Variants in OBSL1 observed in about 807,000 individuals in gnomAD.
The protein encoded by OBSL1 is obscurin-like protein 1.
A neutral mutation model predicts 172.0 loss-of-function variants in OBSL1; 160 were observed. The observed-to-expected ratio is 0.93, with a 90% CI of 0.82 to 1.06. OBSL1 has a LOEUF of 1.06. Among genes scored for constraint, OBSL1 ranks in the 50% least tolerant of loss-of-function variants. OBSL1 has a pLI of 0.00. For missense variants in OBSL1, 2,681 were observed against 2,715.4 expected, an observed-to-expected ratio of 0.99 and a Z score of 0.28; for synonymous variants, 1,200 against 1,196.3, an observed-to-expected ratio of 1.00 and a Z score of -0.06.
chr2:219,549,482 A>C, downstream of OBSL1: 1 of 1,307,880 alleles, frequency 7.6e-7, no homozygotes, highest in South Asian at 1.5e-5. Flanking sequence ...CTGTTTGTCC[A>C]TGCATCGGAG....
In OBSL1 at chr2:219,571,322, G is replaced by A; in HGVS notation, c.-90C>T. 2.3e-6 allele frequency: 2 copies of A among 864,512 alleles called. No homozygotes were observed. Among genetic ancestry groups the A allele is most frequent in the South Asian group, 5.1e-5 (1 of 19,762 alleles). 53.6% of individuals were successfully genotyped at this position (864,512 alleles called of 1,614,324 possible). On this transcript the variant is annotated 5_prime_UTR_variant, in exon 1 of 21. Transcript: ENST00000404537. The stretch of plus-strand genomic sequence containing the variant: ...CGAGGCCCGGGGCGGCGGGGTCGGG[G>A]CGCGGCTGGGGACTGGGCGCGGGGA...
Position 219,552,556 on chromosome 2 carries a change from C to T in OBSL1, c.5288G>A (p.Arg1763His), listed in dbSNP as rs759264064. 2 of 1,596,130 alleles carry T rather than the reference C, an allele frequency of 1.3e-6. No homozygotes were observed. Among genetic ancestry groups the T allele is most frequent in the Non-Finnish European group, 8.5e-7 (1 of 1,177,556 alleles). The change falls in exon 18 of 21, where the codon CGC becomes CAC. Residue 1763 changes from arginine (R) to histidine (H), a missense_variant. Transcript: ENST00000404537. ...CAGACCTTCCTGTCGGATGCGGACGCGGGCTCCGGGTCTCAGCGGGCGGCC... is the reference window on the plus strand; with the variant it reads ...CAGACCTTCCTGTCGGATGCGGACGTGGGCTCCGGGTCTCAGCGGGCGGCC... ...LGGRPLRPGA[R>H]VRIRQEGKKH...
intron 19 of OBSL1, 62 bp from the exon 20 acceptor site, chr2:219,551,860 T>A: frequency 9.4e-7 from 1 of 1,066,866 alleles, no homozygotes; most frequent in East Asian, 2.4e-5. Context: ...GGAGGAGAGA[T>A]GCATCTTCCC....
At position 219,571,401 on chromosome 2, in the gene OBSL1, C is replaced by T. The variant is rs942953849; in HGVS notation, c.-169G>A. 1.1e-5 allele frequency: 4 copies of T among 369,418 alleles called. No homozygotes were observed. Among genetic ancestry groups the T allele is most frequent in the Middle Eastern group, 7.5e-4 (1 of 1,338 alleles). The allele number at this position is 369,418 out of a possible 1,614,324, so 22.9% of individuals were successfully genotyped here. On this transcript the variant is annotated 5_prime_UTR_variant, in exon 1 of 21. Coordinates refer to ENST00000404537, the MANE Select transcript of OBSL1 (RefSeq NM_015311.3). The stretch of plus-strand genomic sequence containing the variant: ...CCCGGCTCGCCTCCTTACCCTCGGC[C>T]CCGAGCTGCAGCTCTGCGGCGGCGG...
At chr2:219,551,200 T>TGGTGAAG (rs1695587983) in intron 20 of OBSL1, 8 of 1,382,288 alleles carry the variant, frequency 5.8e-6, no homozygotes, top group Non-Finnish European at 6.6e-6. Flanking sequence ...AAGGCAGTGT[T>TGGTGAAG]GGTGAAGTGG....
In OBSL1 at chr2:219,552,636, A is replaced by G. The variant is rs1333879187; in HGVS notation, c.5208T>C (p.Ala1736=). 6.4e-7 allele frequency: 1 copy of G among 1,557,690 alleles called. No homozygotes were observed. Among genetic ancestry groups the G allele is most frequent in the Non-Finnish European group, 8.6e-7 (1 of 1,156,820 alleles). ...RSVSAREGDG[A]TFECTVSEVE... is the part of the protein sequence containing the mutation. ...CCTCCGACACGGTGCACTCGAACGT[A>G]GCGCCGTCGCCTTCGCGGGCGCTCA... Residue 1736 remains alanine (A), a synonymous_variant, in exon 18 of 21, where the codon GCT becomes GCC. Transcript: ENST00000404537.
Position 219,570,767 on chromosome 2 carries a change from CG to C in OBSL1, c.465del (p.Glu156SerfsTer102), listed in dbSNP as rs1229579407. On this transcript the variant is annotated frameshift_variant, in exon 1 of 21. Transcript: ENST00000404537. LOFTEE classifies it high-confidence loss of function. ...VVLTCRAGGL[P>X]EPTLYWEKDG... ...TCCTTCTCCCAGTACAGTGTGGGCT[CG>C]GGGAGGCCCCCCGCCCGGCACGTCA... is the stretch of plus-strand genomic sequence containing the variant. The C allele has an allele frequency of 6.7e-7, 1 of 1,490,128 alleles. No homozygotes were observed. The highest frequency in any genetic ancestry group is 8.9e-7 in the Non-Finnish European group (1 of 1,126,852). The allele number at this position is 1,490,128 out of a possible 1,614,324, so 92.3% of individuals were successfully genotyped here.
rs747339260 is a variant in OBSL1, at chr2:219,567,778, C to T, written c.1474G>A (p.Ala492Thr). The part of the protein sequence containing the change: ...LVLPGVTRED[A>T]GEVTFSLGNS... ...CCCAGGCTAAAGGTGACCTCGCCAG[C>T]ATCCTCTCGGGTGACCCCTGGAAGG... The change falls in exon 3 of 21, where the codon GCT becomes ACT. Residue 492 changes from alanine to threonine, a missense_variant. Coordinates refer to ENST00000404537, the MANE Select transcript of OBSL1 (RefSeq NM_015311.3). 22 of 1,613,826 alleles carry T rather than the reference C, an allele frequency of 1.4e-5. No homozygotes were observed. Among genetic ancestry groups the T allele is most frequent in the Non-Finnish European group, 1.9e-5 (22 of 1,179,868 alleles).
rs771774642 is a variant in OBSL1, at chr2:219,562,494, C to G, written c.2861G>C (p.Arg954Pro). ...GAGCTGGACAGCGGGCAGCACCAGGCGGCGGACAGTGTCTTCCTTCTGCAG... is the reference window on the plus strand; with the variant it reads ...GAGCTGGACAGCGGGCAGCACCAGGGGGCGGACAGTGTCTTCCTTCTGCAG... Reference protein sequence around the residue: ...LLLQKEDTVRRLVLPAVQLED... With the variant: ...LLLQKEDTVRPLVLPAVQLED... Residue 954 changes from arginine (R) to proline (P), a missense_variant, in exon 8 of 21, where the codon CGC becomes CCC. Coordinates refer to ENST00000404537, the MANE Select transcript of OBSL1 (RefSeq NM_015311.3). The G allele has an allele frequency of 1.9e-6, 3 of 1,614,030 alleles. No individual in the cohort carries two copies. Among genetic ancestry groups the G allele is most frequent in the Non-Finnish European group, 2.5e-6 (3 of 1,179,886 alleles).
Position 219,563,592 on chromosome 2 carries a change from CAT to C in OBSL1, c.2441_2442del (p.His814ArgfsTer16), listed in dbSNP as rs1267079237. On this transcript the variant is annotated frameshift_variant, in exon 7 of 21. Coordinates refer to ENST00000404537, the MANE Select transcript of OBSL1 (RefSeq NM_015311.3). LOFTEE classifies it high-confidence loss of function. The part of the protein sequence containing the change: ...PPVHIVDPRE[H>X]VFVHAITSEC... ...TCGGAAGTTATGGCATGCACGAACA[CAT>C]GTTCTCGGGGGTCCACGATGTGCAC... 3.7e-6 allele frequency: 6 copies of C among 1,613,652 alleles called. No individual in the cohort carries two copies. The highest frequency in any genetic ancestry group is 2.7e-5 in the African/African-American group (2 of 74,880).
rs374821282 is a variant in OBSL1 at position 219,556,639 on chromosome 2, G to A, written c.4151C>T (p.Ser1384Phe). The A allele has an allele frequency of 6.2e-7, 1 of 1,613,814 alleles. No individual in the cohort carries two copies. The highest frequency in any genetic ancestry group is 8.5e-7 in the Non-Finnish European group (1 of 1,179,844). ...CCAGGTGACATCGGCATCTGGTGGG[G>A]AGACTTCACACCGGAACGTGGCATC... The part of the protein sequence containing the change: ...GDDATFRCEV[S>F]PPDADVTWLR... The change falls in exon 13 of 21, where the codon TCC (serine) becomes TTC (phenylalanine). Residue 1384 changes from serine to phenylalanine, a missense_variant. Around this residue, in one of 5 missense-constraint regions of OBSL1, gnomAD observed 1,765 missense variants for 1,748.3 expected, o/e 1.01. Coordinates refer to ENST00000404537, the MANE Select transcript of OBSL1 (RefSeq NM_015311.3).
rs755539040 is a variant in OBSL1 at position 219,568,068 on chromosome 2, G to A, written c.1269C>T (p.Asn423=). The A allele has an allele frequency of 7.5e-5, 120 of 1,609,584 alleles. 2 individuals carry two copies. The highest frequency in any genetic ancestry group is 2.2e-4 in the South Asian group (20 of 91,044). ...EMRGRVRTVA[N]VTVKGPILKR... ...GGGCCAGCTGACCTTTGACTGTGAC[G>A]TTGGCCACGGTGCGCACCCGGCCCC... Residue 423 remains asparagine, a synonymous_variant, in exon 2 of 21, where the codon AAC becomes AAT. Coordinates refer to ENST00000404537, the MANE Select transcript of OBSL1 (RefSeq NM_015311.3). This position sits in a 1 kb window ranked among gnomAD's most constrained non-coding sequence, Gnocchi z 4.1.
At position 219,554,756 on chromosome 2, in the gene OBSL1, G is replaced by A. The variant is rs901434350; in HGVS notation, c.4610-16C>T. ...AGCTGCCTCGCTGGCCGGGGGAGAT[G>A]GAGAGAGGGAGGATGAGGCCTCCAG... On this transcript the variant is annotated splice_polypyrimidine_tract_variant and intron_variant, in intron 14 of 20. Transcript: ENST00000404537. The A allele has an allele frequency of 6.5e-7, 1 of 1,528,204 alleles. No homozygotes were observed. The highest frequency in any genetic ancestry group is 8.8e-7 in the Non-Finnish European group (1 of 1,132,910). 94.7% of individuals were successfully genotyped at this position (1,528,204 alleles called of 1,614,324 possible). A position where few individuals can be genotyped will look rare whatever the true frequency, so the allele number is the denominator to read the frequency against.
chr2:219,559,936 T>C (rs1220695560), intron 8 of OBSL1, among the ~76,000 whole-genome samples: 1 of 152,174 alleles, frequency 6.6e-6, no homozygotes, highest in African/African-American at 2.4e-5. Flanking sequence ...AGCATAGAAA[T>C]AGCTTCAGAG....
In OBSL1 at chr2:219,552,625, C is replaced by A; in HGVS notation, c.5219G>T (p.Cys1740Phe). 6.4e-7 allele frequency: 1 copy of A among 1,568,090 alleles called. No homozygotes were observed. The highest frequency in any genetic ancestry group is 8.6e-7 in the Non-Finnish European group (1 of 1,162,858). The part of the protein sequence containing the change: ...AREGDGATFE[C>F]TVSEVETTGR... Reference sequence around the variant, plus strand: ...CGTGGTCTCGACCTCCGACACGGTGCACTCGAACGTAGCGCCGTCGCCTTC... The same window carrying A: ...CGTGGTCTCGACCTCCGACACGGTGAACTCGAACGTAGCGCCGTCGCCTTC... Residue 1740 changes from cysteine to phenylalanine, a missense_variant, in exon 18 of 21, where the codon TGC becomes TTC. Transcript: ENST00000404537.
chr2:219,568,333 A>AGG lies in OBSL1; in HGVS notation c.1013-11_1013-10dup. ...GAACCGGAGGCGGGGCTCTGTGGAG[A>AGG]GGGGAGAGAGAGACAAGAGAGGGCT... is the stretch of plus-strand genomic sequence containing the variant. On this transcript the variant is annotated splice_polypyrimidine_tract_variant and intron_variant, in intron 1 of 20. Transcript: ENST00000404537. This position sits in a 1 kb window ranked among gnomAD's most constrained non-coding sequence, Gnocchi z 4.1. The AGG allele has an allele frequency of 1.9e-6, 3 of 1,593,870 alleles. No individual in the cohort carries two copies. The highest frequency in any genetic ancestry group is 1.7e-5 in the Admixed American group (1 of 57,366).
At position 219,570,340 on chromosome 2, in the gene OBSL1, C is replaced by T. The variant is rs1199317072; in HGVS notation, c.893G>A (p.Arg298His). ...PDRRRLMYRDRDGGFVLKVLY... is the reference protein window; with the variant it reads ...PDRRRLMYRDHDGGFVLKVLY... ...CACCTTGAGCACGAAGCCGCCGTCG[C>T]GGTCGCGGTACATGAGGCGGCGGCG... Residue 298 changes from arginine to histidine, a missense_variant, in exon 1 of 21, where the codon CGC becomes CAC. By Grantham distance (29) the Arg-to-His change is conservative. Transcript: ENST00000404537. The T allele has an allele frequency of 1.2e-5, 19 of 1,612,244 alleles. No individual in the cohort carries two copies. In the East Asian group the frequency reaches 4.0e-4, roughly 34 times the overall value.
chr2:219,551,649 C>T lies in OBSL1; in HGVS notation c.5563G>A (p.Glu1855Lys). Residue 1855 changes from glutamate to lysine, a missense_variant, in exon 20 of 21, where the codon GAG (glutamate) becomes AAG (lysine). Physicochemically the swap from Glu to Lys is moderately conservative, Grantham distance 56 (BLOSUM62 1). Coordinates refer to ENST00000404537, the MANE Select transcript of OBSL1 (RefSeq NM_015311.3). Reference sequence around the variant, plus strand: ...TGGGTGGGGCCGTGGCTGCGCATCTCATACTTATCTCCCGGGCACAGCTCG... The same window carrying T: ...TGGGTGGGGCCGTGGCTGCGCATCTTATACTTATCTCCCGGGCACAGCTCG... Reference protein sequence around the residue: ...GAELCPGDKYEMRSHGPTHSL... With the variant: ...GAELCPGDKYKMRSHGPTHSL... 6.2e-7 allele frequency: 1 copy of T among 1,611,910 alleles called. No homozygotes were observed. Among genetic ancestry groups the T allele is most frequent in the Non-Finnish European group, 8.5e-7 (1 of 1,179,282 alleles).
At chr2:219,555,533 G>C in intron 14 of OBSL1, 1 of 689,318 alleles carries the variant, frequency 1.5e-6, no homozygotes, top group Non-Finnish European at 1.8e-6. Flanking sequence ...TCCTGCCTTG[G>C]CCTCCCAAAG....
Sources: allele counts gnomAD v4.1 joint callset (sites outside exome capture counted in the v4.1 genomes callset), GRCh38; gene constraint gnomAD v4.1.1; regional missense constraint gnomAD v4.1.1; non-coding constraint Gnocchi (gnomAD v3.1); transcripts MANE v1.5; gene names NCBI Gene and HGNC (gene_info 2026-07-23, HGNC 2026-07-21).